Variants in ATP2C1 observed in about 807,000 individuals in gnomAD.
ATP2C1 encodes calcium-transporting ATPase type 2C member 1.
Under a neutral mutation model 120.5 loss-of-function variants are expected in ATP2C1, and 31 were observed. The ratio of observed to expected loss-of-function variants is 0.26; its 90% CI spans 0.19 to 0.35. ATP2C1 has a LOEUF of 0.35. Ranked by LOEUF, ATP2C1 falls within the 10% of genes least tolerant of loss-of-function variation. The pLI is 1.00. For missense variants in ATP2C1, 731 were observed against 1,107.5 expected (o/e 0.66, Z 4.83); for synonymous variants, 351 against 358.7 (o/e 0.98, Z 0.24).
chr3:131,002,848 A>T lies in ATP2C1; in HGVS notation c.*1498A>T. On this transcript the variant is annotated 3_prime_UTR_variant, in exon 28 of 28. Transcript: ENST00000510168. ...GTTACTGAGGCAGTTGAGTGTAAGG[A>T]GCTGGCTGCAGTTTATTCTACTTAA... The T allele has an allele frequency of 6.1e-6, 6 of 985,812 alleles. No homozygotes were observed. The highest frequency in any genetic ancestry group is 7.2e-6 in the Non-Finnish European group (6 of 829,924). The allele number at this position is 985,812 out of a possible 1,614,324, so 61.1% of individuals were successfully genotyped here.
chr3:130,908,275 GCAA>G (rs2058233372), intron 2 of ATP2C1, among the ~76,000 whole-genome samples: 1 of 152,158 alleles, frequency 6.6e-6, no homozygotes, highest in East Asian at 1.9e-4. Context: ...GTTTACTGCA[GCAA>G]CATTTGTAAT....
At chr3:130,852,210 G>T (rs1559860853) in intron 1 of ATP2C1, among the ~76,000 whole-genome samples, 1 of 152,190 alleles carries the variant, frequency 6.6e-6, no homozygotes, top group African/African-American at 2.4e-5. Context: ...GAACCAAGTG[G>T]TAGGGCTGTA....
intron 20 of ATP2C1, among the ~76,000 whole-genome samples, chr3:130,991,433 A>G (rs1425381047): frequency 6.6e-6 from 1 of 152,170 alleles, no homozygotes; most frequent in East Asian, 1.9e-4. Context: ...GACAGCAAGT[A>G]TAGGCTACTT....
chr3:130,972,459 T>C (rs1451311873), intron 17 of ATP2C1, among the ~76,000 whole-genome samples: 2 of 151,600 alleles, frequency 1.3e-5, no homozygotes, highest in Non-Finnish European at 2.9e-5. Context: ...TCTAGTCTTT[T>C]AGTTTCTTCA....
At chr3:130,942,174 G>C (rs559114571) in intron 8 of ATP2C1, among the ~76,000 whole-genome samples, 2 of 152,286 alleles carry the variant, frequency 1.3e-5, no homozygotes, top group African/African-American at 4.8e-5. Flanking sequence ...ACAAAGATGG[G>C]GAAGACAATG....
intron 3 of ATP2C1, 104 bp downstream of exon 3, chr3:130,930,630 T>C (rs1396890132): frequency 6.2e-6 from 5 of 800,782 alleles, no homozygotes; most frequent in African/African-American, 1.7e-5. Flanking sequence ...GATAGAAATA[T>C]TCTGTTCTGT....
At chr3:130,891,012 G>A (rs1461085311), upstream of ATP2C1, among the ~76,000 whole-genome samples, 1 of 152,162 alleles carries the variant, frequency 6.6e-6, no homozygotes, top group Non-Finnish European at 1.5e-5. Flanking sequence ...AGGAGTTCAA[G>A]ACTGCAGTGT....
intron 1 of ATP2C1, among the ~76,000 whole-genome samples, chr3:130,859,671 G>A (rs76126810): frequency 0.045 from 6,927 of 152,256 alleles, 299 homozygotes; most frequent in African/African-American, 0.11. Flanking sequence ...CATCACAGCA[G>A]TGAAGTGTCA....
chr3:130,863,211 T>C (rs1477330729), intron 1 of ATP2C1, among the ~76,000 whole-genome samples: 1 of 152,176 alleles, frequency 6.6e-6, no homozygotes, highest in Non-Finnish European at 1.5e-5. Context: ...TTGAATGAAG[T>C]AGAGGATGTT....
At chr3:130,932,348 A>G in intron 4 of ATP2C1, among the ~76,000 whole-genome samples, 1 of 152,138 alleles carries the variant, frequency 6.6e-6, no homozygotes, top group Middle Eastern at 3.2e-3. Context: ...CATTTTCCAT[A>G]TGGGTATATT....
chr3:130,958,256 GATAGTAA>G (rs1274946786), intron 11 of ATP2C1, among the ~76,000 whole-genome samples: 3 of 151,988 alleles, frequency 2.0e-5, no homozygotes, highest in African/African-American at 7.2e-5. Flanking sequence ...TAAAGAACTA[GATAGTAA>G]ATATTTTAGT....
In ATP2C1 at chr3:130,997,640, C is replaced by T. The variant is rs150745965; in HGVS notation, c.2278C>T (p.Arg760Cys). 54 of 1,613,408 alleles carry T rather than the reference C, an allele frequency of 3.3e-5. No homozygotes were observed. The highest frequency in any genetic ancestry group is 8.8e-5 in the South Asian group (8 of 91,078). Residue 760 changes from arginine to cysteine, a missense_variant, in exon 25 of 28, where the codon CGT becomes TGT. Transcript: ENST00000510168. The part of the protein sequence containing the change: ...GVEPVDKDVI[R>C]KPPRNWKDSI... ...AGAACCAGTGGATAAAGATGTCATT[C>T]GTAAACCTCCTCGCAACTGGAAAGA...
intron 17 of ATP2C1, among the ~76,000 whole-genome samples, 200 bp downstream of exon 17, chr3:130,969,596 T>C (rs899140854): frequency 2.6e-5 from 4 of 152,238 alleles, no homozygotes; most frequent in African/African-American, 7.2e-5. Flanking sequence ...TGCATAGATA[T>C]ATTCATGGAG....
At chr3:130,945,811 G>C (rs2060128046) in intron 8 of ATP2C1, among the ~76,000 whole-genome samples, 1 of 151,460 alleles carries the variant, frequency 6.6e-6, no homozygotes, top group Admixed American at 6.6e-5. Context: ...TATTTTTGGT[G>C]TTGTTCCAGG....
chr3:130,876,141 C>G (rs894254446), intron 1 of ATP2C1, among the ~76,000 whole-genome samples: 2 of 151,816 alleles, frequency 1.3e-5, no homozygotes, highest in Admixed American at 1.3e-4. Context: ...TATAGTACCA[C>G]TTGTCTATTT....
chr3:130,913,233 A>C (rs2058524830), intron 2 of ATP2C1, among the ~76,000 whole-genome samples: 1 of 151,690 alleles, frequency 6.6e-6, no homozygotes, highest in Non-Finnish European at 1.5e-5. Flanking sequence ...GTACCCTAAA[A>C]CTTAAAGTAT....
At chr3:130,892,308 TATA>T (rs1189669047), upstream of ATP2C1, among the ~76,000 whole-genome samples, 2 of 152,238 alleles carry the variant, frequency 1.3e-5, no homozygotes, top group East Asian at 3.8e-4. Context: ...TTGTTTTTAA[TATA>T]ATGCTGTTTC....
chr3:130,860,518 G>A (rs1171304881), intron 1 of ATP2C1, among the ~76,000 whole-genome samples: 2 of 152,192 alleles, frequency 1.3e-5, no homozygotes, highest in Admixed American at 6.5e-5. Flanking sequence ...GGTGCTTTAC[G>A]TATGTTGTAA....
chr3:130,972,977 A>G (rs959248114), intron 17 of ATP2C1, among the ~76,000 whole-genome samples: 4 of 152,186 alleles, frequency 2.6e-5, no homozygotes, highest in Non-Finnish European at 5.9e-5. Context: ...CATAAAAAAG[A>G]CAAAATAACT....
Sources: allele counts gnomAD v4.1 joint callset (sites outside exome capture counted in the v4.1 genomes callset), GRCh38; gene constraint gnomAD v4.1.1; transcripts MANE v1.5; gene names NCBI Gene and HGNC (gene_info 2026-07-23, HGNC 2026-07-21).